Variants in STX11 observed in about 807,000 individuals in gnomAD.
STX11 encodes the protein syntaxin 11, also known as syntaxin-11.
A neutral mutation model predicts 19.9 loss-of-function variants in STX11; 21 were observed. The ratio of observed to expected loss-of-function variants is 1.06; its 90% confidence interval spans 0.75 to 1.52. The LOEUF (loss-of-function observed/expected upper bound fraction) is 1.52. Among genes scored for constraint, STX11 ranks in the 40% most tolerant of loss-of-function variants. The pLI, the probability that STX11 is intolerant of heterozygous loss-of-function variation, is 0.00. For synonymous variants in STX11, 193 were observed against 174.4 expected, an observed-to-expected ratio of 1.11 and a Z score of -0.84; for missense variants, 438 against 405.9, an observed-to-expected ratio of 1.08 and a Z score of -0.68.
In STX11 at chr6:144,191,821, A is replaced by G. The variant is rs946402378; in HGVS notation, c.*4330A>G. On this transcript the variant is annotated 3_prime_UTR_variant, in exon 2 of 2. Coordinates refer to ENST00000367568, the MANE Select transcript of STX11 (RefSeq NM_003764.4). ...ATAGGATCTAGAATGTAACTTCATC[A>G]TATAAATGATGAGTGTCTTTGTTAT... Among the ~76,000 whole-genome samples the G allele has an allele frequency of 6.6e-6, 1 of 152,248 alleles. No homozygotes were observed. The highest frequency in any genetic ancestry group is 6.5e-5 in the Admixed American group (1 of 15,288).
intron 1 of STX11, among the ~76,000 whole-genome samples, chr6:144,158,450 GGGAATCAGT>G (rs1231668652): frequency 6.6e-6 from 1 of 152,164 alleles, no homozygotes; most frequent in African/African-American, 2.4e-5. Context: ...GATGGGGGAT[GGGAATCAGT>G]GAACTTAGAG....
At position 144,174,780 on chromosome 6, in the gene STX11, T is replaced by C. The variant is rs1801735962; in HGVS notation, c.-5-11843T>C. ...GGGATGAGAACAGATGCTCACCACG[T>C]CATGGAAATAATCTAATTGGTTGAT... On this transcript the variant is annotated intron_variant, in intron 1 of 1. Coordinates refer to ENST00000367568, the MANE Select transcript of STX11 (RefSeq NM_003764.4). The surrounding 1 kb of genome is among the most constrained non-coding windows in gnomAD (Gnocchi z 5.3). Among the ~76,000 whole-genome samples the C allele has an allele frequency of 4.7e-5, 7 of 147,866 alleles. No individual in the cohort carries two copies. Among genetic ancestry groups the C allele is most frequent in the Admixed American group, 4.6e-4 (7 of 15,082 alleles).
At chr6:144,168,090 A>T (rs1425280511) in intron 1 of STX11, among the ~76,000 whole-genome samples, 1 of 152,224 alleles carries the variant, frequency 6.6e-6, no homozygotes, top group African/African-American at 2.4e-5. Flanking sequence ...TTCAGTCTGT[A>T]TGTGCAAATT....
rs983936660 is a variant in STX11 at position 144,154,152 on chromosome 6, T to C, written c.-6+3449T>C. 6.6e-6 allele frequency among the ~76,000 whole-genome samples: 1 copy of C among 152,228 alleles called. No homozygotes were observed. Among genetic ancestry groups the C allele is most frequent in the African/African-American group, 2.4e-5 (1 of 41,454 alleles). On this transcript the variant is annotated intron_variant, in intron 1 of 1. Transcript: ENST00000367568. This position sits in a 1 kb window ranked among gnomAD's most constrained non-coding sequence, Gnocchi z 4.7. ...CCAGAAATGGATCCCAAGCACTTGG[T>C]TCCAGAGCTTGCATTCTGAAGCACC...
At chr6:144,150,819 C>A in intron 1 of STX11, 116 bp downstream of exon 1, 1 of 830,772 alleles carries the variant, frequency 1.2e-6, no homozygotes, top group Non-Finnish European at 1.5e-6. Flanking sequence ...GGACCCGCGG[C>A]TGTGCCTTAG....
At chr6:144,157,633 C>G (rs1261169154) in intron 1 of STX11, among the ~76,000 whole-genome samples, 2 of 152,028 alleles carry the variant, frequency 1.3e-5, no homozygotes, top group African/African-American at 4.8e-5. Context: ...TAGTCTTAAT[C>G]CTAAGAAGAT....
chr6:144,168,742 A>G (rs1337335188), intron 1 of STX11, among the ~76,000 whole-genome samples: 1 of 152,228 alleles, frequency 6.6e-6, no homozygotes, highest in Non-Finnish European at 1.5e-5. Context: ...GGCATCCCTC[A>G]TGCTAAACTC....
Position 144,190,312 on chromosome 6 carries a change from A to T in STX11, c.*2821A>T, listed in dbSNP as rs183666116. ...CAGTTTCCTCATCTGTAAAACGGAGATAACAGTACTTACCTCATAGAGCTG... is the reference window on the plus strand; with the variant it reads ...CAGTTTCCTCATCTGTAAAACGGAGTTAACAGTACTTACCTCATAGAGCTG... On this transcript the variant is annotated 3_prime_UTR_variant, in exon 2 of 2. Transcript: ENST00000367568. 1.4e-4 allele frequency among the ~76,000 whole-genome samples: 22 copies of T among 152,322 alleles called. No homozygotes were observed. Among genetic ancestry groups the T allele is most frequent in the African/African-American group, 5.1e-4 (21 of 41,568 alleles).
At chr6:144,142,338 A>G in the STX11 span, among the ~76,000 whole-genome samples, 1 of 152,124 alleles carries the variant, frequency 6.6e-6, no homozygotes, top group East Asian at 1.9e-4. Flanking sequence ...TCAAGGGATA[A>G]AAACTGTGTT....
At position 144,187,397 on chromosome 6, in the gene STX11, G is replaced by A. The variant is rs574011092; in HGVS notation, c.770G>A (p.Gly257Asp). 22 of 1,611,022 alleles carry A rather than the reference G, an allele frequency of 1.4e-5. No individual in the cohort carries two copies. The South Asian group carries it at 2.2e-4, about 16-fold the overall frequency. Residue 257 changes from glycine (G) to aspartate (D), a missense_variant, in exon 2 of 2, where the codon GGC becomes GAC. By Grantham distance (94) the Gly-to-Asp change is moderately conservative (BLOSUM62 -1). Coordinates refer to ENST00000367568, the MANE Select transcript of STX11 (RefSeq NM_003764.4). The surrounding 1 kb of genome is among the most constrained non-coding windows in gnomAD (Gnocchi z 5.6). Reference sequence around the variant, plus strand: ...GTACAAAAGACGGTCGACTACACCGGCCAGGCCAAGGCGCAGGTGCGGAAG... The same window carrying A: ...GTACAAAAGACGGTCGACTACACCGACCAGGCCAAGGCGCAGGTGCGGAAG... ...LNVQKTVDYT[G>D]QAKAQVRKAV... is the part of the protein sequence containing the mutation.
At position 144,187,828 on chromosome 6, in the gene STX11, A is replaced by T. The variant is rs982787251; in HGVS notation, c.*337A>T. On this transcript the variant is annotated 3_prime_UTR_variant, in exon 2 of 2. Coordinates refer to ENST00000367568, the MANE Select transcript of STX11 (RefSeq NM_003764.4). The surrounding 1 kb of genome is among the most constrained non-coding windows in gnomAD (Gnocchi z 5.6). ...GGTGAATGTCTGAGGCCTGCCTCCT[A>T]ATAAAGACTCAAGGAGGAAGTCAAT... 12 of 433,554 alleles carry T rather than the reference A, an allele frequency of 2.8e-5. No individual in the cohort carries two copies. Among genetic ancestry groups the T allele is most frequent in the Middle Eastern group, 1.3e-3 (2 of 1,584 alleles). 26.9% of individuals were successfully genotyped at this position (433,554 alleles called of 1,614,324 possible).
At chr6:144,166,894 G>T (rs1584032513) in intron 1 of STX11, among the ~76,000 whole-genome samples, 1 of 104,914 alleles carries the variant, frequency 9.5e-6, no homozygotes, top group African/African-American at 3.8e-5. Flanking sequence ...CCTTCCTTTT[G>T]TCTACCTCTC....
chr6:144,157,198 G>A (rs764044731), intron 1 of STX11, among the ~76,000 whole-genome samples: 6 of 152,226 alleles, frequency 3.9e-5, no homozygotes, highest in Admixed American at 6.5e-5. Flanking sequence ...ATTGCACAGG[G>A]GGAGAGACTG....
rs924176810 is a variant in STX11 at position 144,190,191 on chromosome 6, G to A, written c.*2700G>A. On this transcript the variant is annotated 3_prime_UTR_variant, in exon 2 of 2. Transcript: ENST00000367568. ...GGGAACCATCTCAGTGTGGCGTAATGGTTAGGAGTACAGATTCCAGATCCT... is the reference window on the plus strand; with the variant it reads ...GGGAACCATCTCAGTGTGGCGTAATAGTTAGGAGTACAGATTCCAGATCCT... Among the ~76,000 whole-genome samples the A allele has an allele frequency of 2.0e-5, 3 of 152,198 alleles. No individual in the cohort carries two copies. The highest frequency in any genetic ancestry group is 7.2e-5 in the African/African-American group (3 of 41,450).
chr6:144,179,040 A>C lies in STX11; in HGVS notation c.-5-7583A>C, dbSNP rs367779629. ...AGAGGTTTAATGGACTTACAGTTCCACGTGGCTGGGGAGAACTTACAATCA... is the reference window on the plus strand; with the variant it reads ...AGAGGTTTAATGGACTTACAGTTCCCCGTGGCTGGGGAGAACTTACAATCA... On this transcript the variant is annotated intron_variant, in intron 1 of 1. Coordinates refer to ENST00000367568, the MANE Select transcript of STX11 (RefSeq NM_003764.4). Among the ~76,000 whole-genome samples, 351 of 152,322 alleles carry C rather than the reference A, an allele frequency of 2.3e-3. 1 individual carries two copies. The highest frequency in any genetic ancestry group is 8.0e-3 in the African/African-American group (332 of 41,568).
In STX11 at chr6:144,159,871, G is replaced by A. The variant is rs539306763; in HGVS notation, c.-6+9168G>A. Among the ~76,000 whole-genome samples, 2 of 152,224 alleles carry A rather than the reference G, an allele frequency of 1.3e-5. No homozygotes were observed. Among genetic ancestry groups the A allele is most frequent in the African/African-American group, 4.8e-5 (2 of 41,528 alleles). On this transcript the variant is annotated intron_variant, in intron 1 of 1. Coordinates refer to ENST00000367568, the MANE Select transcript of STX11 (RefSeq NM_003764.4). The surrounding 1 kb of genome is among the most constrained non-coding windows in gnomAD (Gnocchi z 4.3). ...GCCCCAGAAGTCCATGCCCACTGAGGTTTCTCATCTTTCCAGGTCACTTTT... is the reference window on the plus strand; with the variant it reads ...GCCCCAGAAGTCCATGCCCACTGAGATTTCTCATCTTTCCAGGTCACTTTT...
At position 144,187,571 on chromosome 6, in the gene STX11, C is replaced by T; in HGVS notation, c.*80C>T. 3 of 1,588,090 alleles carry T rather than the reference C, an allele frequency of 1.9e-6. No individual in the cohort carries two copies. Among genetic ancestry groups the T allele is most frequent in the East Asian group, 4.6e-5 (2 of 43,866 alleles). On this transcript the variant is annotated 3_prime_UTR_variant, in exon 2 of 2. Coordinates refer to ENST00000367568, the MANE Select transcript of STX11 (RefSeq NM_003764.4). The surrounding 1 kb of genome is among the most constrained non-coding windows in gnomAD (Gnocchi z 5.6). ...GACGCACCAAAGCCGGGAGCTCTGC[C>T]CTGCAGGGAGTTGCCCCAACCCTTT... is the stretch of plus-strand genomic sequence containing the variant.
rs1050682039 is a variant in STX11, at chr6:144,184,121, C to T, written c.-5-2502C>T. On this transcript the variant is annotated intron_variant, in intron 1 of 1. Coordinates refer to ENST00000367568, the MANE Select transcript of STX11 (RefSeq NM_003764.4). This position sits in a 1 kb window ranked among gnomAD's most constrained non-coding sequence, Gnocchi z 6.5. ...CATTGATGGGCATTTGGGTTGGTTC[C>T]GTGTCTTTGCTATTGTGAATAGGGC... 2.0e-5 allele frequency among the ~76,000 whole-genome samples: 3 copies of T among 152,274 alleles called. No homozygotes were observed. Among genetic ancestry groups the T allele is most frequent in the East Asian group, 1.9e-4 (1 of 5,192 alleles).
At position 144,188,097 on chromosome 6, in the gene STX11, CTTTTTAAATATCT is replaced by C. The variant is rs1388214556; in HGVS notation, c.*609_*621del. ...ACTTACTATTTTCTTATCTCTTTCA[CTTTTTAAATATCT>C]TTCACCAGGTTATATTTTGGTATTA... On this transcript the variant is annotated 3_prime_UTR_variant, in exon 2 of 2. Transcript: ENST00000367568. The C allele has an allele frequency of 3.7e-5, 9 of 241,658 alleles. No homozygotes were observed. Among genetic ancestry groups the C allele is most frequent in the Non-Finnish European group, 7.9e-5 (9 of 114,554 alleles). 15.0% of individuals were successfully genotyped at this position (241,658 alleles called of 1,614,324 possible).
Sources: gnomAD v4.1 joint callset for allele counts (sites outside exome capture counted in the v4.1 genomes callset) on GRCh38, gnomAD v4.1.1 for gene constraint, Gnocchi (gnomAD v3.1) non-coding constraint, MANE v1.5 for transcripts, NCBI Gene and HGNC (gene_info 2026-07-23, HGNC 2026-07-21) for gene names.